The following ZNF827 variants were observed in gnomAD, a reference collection of about 807,000 sequenced individuals.
ZNF827 encodes zinc finger protein 827.
ZNF827 carries 13 observed loss-of-function variants against 102.4 expected under a neutral mutation model. The observed-to-expected ratio is 0.13, with a 90% CI of 0.08 to 0.20. The LOEUF is 0.20. ZNF827 is among the 10% of genes least tolerant of loss of function. The pLI is 1.00. For missense variants in ZNF827, 1,103 were observed against 1,344.4 expected, an observed-to-expected ratio of 0.82 and a Z score of 2.81; for synonymous variants, 523 against 536.2, an observed-to-expected ratio of 0.98 and a Z score of 0.34.
At chr4:145,899,705 G>GA (rs1751263151) in intron 2 of ZNF827, among the ~76,000 whole-genome samples, 1 of 152,140 alleles carries the variant, frequency 6.6e-6, no homozygotes, top group African/African-American at 2.4e-5. Context: ...CAAAATGAAA[G>GA]ATTTTTTAAA....
intron 2 of ZNF827, among the ~76,000 whole-genome samples, chr4:145,893,127 C>T (rs1414004406): frequency 6.6e-6 from 1 of 152,178 alleles, no homozygotes; most frequent in African/African-American, 2.4e-5. Context: ...TCATTGCCCA[C>T]TTTGGGAAGA....
chr4:145,822,295 C>G (rs1407379537), intron 8 of ZNF827, among the ~76,000 whole-genome samples: 1 of 152,184 alleles, frequency 6.6e-6, no homozygotes, highest in Non-Finnish European at 1.5e-5. Context: ...AATGGAACTA[C>G]CCTTATGAGA....
At chr4:145,821,728 A>G (rs191608406) in intron 8 of ZNF827, among the ~76,000 whole-genome samples, 4 of 152,244 alleles carry the variant, frequency 2.6e-5, no homozygotes, top group African/African-American at 9.6e-5. Context: ...TTCTCCCCCA[A>G]ATAAGAGTTA....
chr4:145,848,890 G>A (rs930382587), intron 6 of ZNF827, among the ~76,000 whole-genome samples: 1 of 151,890 alleles, frequency 6.6e-6, no homozygotes, highest in African/African-American at 2.4e-5. Flanking sequence ...TTTTGTTTTG[G>A]CAAGATACAA....
intron 5 of ZNF827, among the ~76,000 whole-genome samples, chr4:145,855,321 A>C (rs901969208): frequency 2.0e-5 from 3 of 152,206 alleles, no homozygotes; most frequent in Non-Finnish European, 2.9e-5. Flanking sequence ...CAATGGGATA[A>C]ATCAAAAATC....
rs571709535 is a variant in ZNF827, at chr4:145,902,409, T to C, written c.850A>G (p.Met284Val). The C allele has an allele frequency of 1.1e-5, 17 of 1,614,170 alleles. No homozygotes were observed. In the East Asian group the frequency reaches 1.1e-4, roughly 11 times the overall value. The change falls in exon 2 of 15, where the codon ATG becomes GTG. Residue 284 changes from methionine (M) to valine (V), a missense_variant. Met to Val is a conservative substitution (Grantham distance 21). Transcript: ENST00000508784. This position sits in a 1 kb window ranked among gnomAD's most constrained non-coding sequence, Gnocchi z 4.3. ...TTCAGAAGGGCCGCTGAGGAGGTCATAGAAGCCAGGGAAAGGAAGGAGCTG... is the reference window on the plus strand; with the variant it reads ...TTCAGAAGGGCCGCTGAGGAGGTCACAGAAGCCAGGGAAAGGAAGGAGCTG... ...PASSFLSLAS[M>V]TSSAALLKEV...
chr4:145,846,499 A>T (rs1269929388), intron 6 of ZNF827, among the ~76,000 whole-genome samples: 1 of 138,662 alleles, frequency 7.2e-6, no homozygotes, highest in African/African-American at 2.8e-5. Flanking sequence ...CAAACAAAAA[A>T]ACACAACAAC....
In ZNF827 at chr4:145,885,962, T is replaced by G; in HGVS notation, c.1463A>C (p.Gln488Pro). 1 of 1,614,112 alleles carries G rather than the reference T, an allele frequency of 6.2e-7. No homozygotes were observed. Among genetic ancestry groups the G allele is most frequent in the South Asian group, 1.1e-5 (1 of 91,052 alleles). ...PHLSDSACLG[Q>P]QREGGGTELV... ...CTCTGTCCCTCCTCCTTCCCTTTGC[T>G]GCCCCAGGCAGGCACTGTCACTGAG... is the stretch of plus-strand genomic sequence containing the variant. Residue 488 changes from glutamine (Q) to proline (P), a missense_variant, in exon 4 of 15, where the codon CAG becomes CCG. Physicochemically the swap from Gln to Pro is moderately conservative, Grantham distance 76. Coordinates refer to ENST00000508784, the MANE Select transcript of ZNF827 (RefSeq NM_001306215.2).
chr4:145,794,552 T>C (rs888659181), intron 8 of ZNF827, among the ~76,000 whole-genome samples: 14 of 149,688 alleles, frequency 9.4e-5, no homozygotes, highest in African/African-American at 3.0e-4. Flanking sequence ...CCAGGTATGG[T>C]GGTGTGTGCC....
At chr4:145,904,723 TGTGTGTGCGC>T (rs1751696871) in intron 1 of ZNF827, among the ~76,000 whole-genome samples, 1 of 152,182 alleles carries the variant, frequency 6.6e-6, no homozygotes, top group African/African-American at 2.4e-5. Context: ...CACGTGTGTG[TGTGTGTGCGC>T]GTGTGTGCAC....
At chr4:145,799,256 C>T (rs1024410408) in intron 8 of ZNF827, among the ~76,000 whole-genome samples, 2 of 152,170 alleles carry the variant, frequency 1.3e-5, no homozygotes, top group East Asian at 1.9e-4. Context: ...ATCAGCTAGT[C>T]GGGCACAGCA....
At chr4:145,850,301 C>T (rs376864219) in intron 5 of ZNF827, among the ~76,000 whole-genome samples, 1 of 152,144 alleles carries the variant, frequency 6.6e-6, no homozygotes, top group Non-Finnish European at 1.5e-5. Flanking sequence ...TGAGCCACTG[C>T]GCCCGGCCTC....
chr4:145,827,444 T>C (rs1436280153), intron 7 of ZNF827, among the ~76,000 whole-genome samples: 1 of 152,222 alleles, frequency 6.6e-6, no homozygotes, highest in African/African-American at 2.4e-5. Flanking sequence ...AGTTAAGATA[T>C]GCCCCAATTT....
intron 5 of ZNF827, among the ~76,000 whole-genome samples, chr4:145,855,257 C>T (rs914142714): frequency 2.6e-5 from 4 of 152,216 alleles, no homozygotes; most frequent in Non-Finnish European, 5.9e-5. Context: ...CCTCTAAAAG[C>T]ACTGCCAACT....
chr4:145,811,574 AC>A (rs1453499990), intron 8 of ZNF827, among the ~76,000 whole-genome samples: 4 of 152,172 alleles, frequency 2.6e-5, no homozygotes, highest in African/African-American at 9.7e-5. Flanking sequence ...CATGTGCAAG[AC>A]CTTGGAAGTG....
chr4:145,771,120 G>T (rs72723871), intron 11 of ZNF827: 3 of 152,102 alleles, frequency 2.0e-5, no homozygotes, highest in Non-Finnish European at 2.9e-5. Context: ...AGGCCTAAAG[G>T]TTTTCTTAAC....
chr4:145,798,791 G>C (rs926213283), intron 8 of ZNF827, among the ~76,000 whole-genome samples: 1 of 152,220 alleles, frequency 6.6e-6, no homozygotes, highest in African/African-American at 2.4e-5. Context: ...ACATGATGTT[G>C]AAATCTGAAA....
chr4:145,900,080 A>G lies in ZNF827; in HGVS notation c.1093+2086T>C, dbSNP rs569891371. Among the ~76,000 whole-genome samples, 12 of 152,332 alleles carry G rather than the reference A, an allele frequency of 7.9e-5. No homozygotes were observed. The East Asian group carries it at 2.3e-3, about 29-fold the overall frequency. Reference sequence around the variant, plus strand: ...CCTTGGGTGTATTTCCCACAACAAAACAAACAAAAAGTCTACCATTCACTG... The same window carrying G: ...CCTTGGGTGTATTTCCCACAACAAAGCAAACAAAAAGTCTACCATTCACTG... On this transcript the variant is annotated intron_variant, in intron 2 of 14. Coordinates refer to ENST00000508784, the MANE Select transcript of ZNF827 (RefSeq NM_001306215.2).
At chr4:145,884,682 C>T (rs1019932184) in intron 4 of ZNF827, among the ~76,000 whole-genome samples, 6 of 152,050 alleles carry the variant, frequency 3.9e-5, no homozygotes, top group African/African-American at 1.4e-4. Context: ...GACCTTGATG[C>T]CCCTTTTCAA....
Sources: allele counts gnomAD v4.1 joint callset (sites outside exome capture counted in the v4.1 genomes callset), GRCh38; gene constraint gnomAD v4.1.1; non-coding constraint Gnocchi (gnomAD v3.1); transcripts MANE v1.5; gene names NCBI Gene and HGNC (gene_info 2026-07-23, HGNC 2026-07-21).